The following PHACTR3 variants were observed in gnomAD, a reference collection of about 807,000 sequenced individuals.
The protein encoded by PHACTR3 is protein phosphatase 1, regulatory subunit 123.
PHACTR3 carries 16 observed loss-of-function variants against 66.8 expected under a neutral mutation model. The ratio of observed to expected loss-of-function variants is 0.24; its 90% CI spans 0.16 to 0.36. The LOEUF is 0.36. Ranked by LOEUF, PHACTR3 falls within the 10% of genes least tolerant of loss-of-function variation. The pLI is 1.00. For missense variants in PHACTR3, 647 were observed against 719.9 expected (o/e 0.90, Z 1.16); for synonymous variants, 323 against 292.1 (o/e 1.11, Z -1.08).
chr20:59,600,945 CTTT>C (rs11477966), upstream of PHACTR3, among the ~76,000 whole-genome samples: 12 of 137,632 alleles, frequency 8.7e-5, no homozygotes, highest in African/African-American at 2.6e-4. Flanking sequence ...CCTCTACATG[CTTT>C]TTTTTTTTTT....
chr20:59,630,933 G>C (rs904160072), intron 1 of PHACTR3, among the ~76,000 whole-genome samples: 3 of 152,232 alleles, frequency 2.0e-5, no homozygotes, highest in African/African-American at 4.8e-5. Flanking sequence ...GGGGTGGTTG[G>C]AGGGATTTGG....
At chr20:59,815,511 G>C (rs2041863329) in intron 8 of PHACTR3, among the ~76,000 whole-genome samples, 1 of 145,234 alleles carries the variant, frequency 6.9e-6, no homozygotes, top group Admixed American at 7.2e-5. Context: ...TGTAACCTCT[G>C]CCTTCTGGGT....
At chr20:59,844,038 G>T (rs2059110108) in intron 11 of PHACTR3, 1 of 152,044 alleles carries the variant, frequency 6.6e-6, no homozygotes, top group South Asian at 2.1e-4. Context: ...CTCAAAAGAT[G>T]ACATACAAAT....
chr20:59,816,386 C>T (rs2041888526), intron 8 of PHACTR3, among the ~76,000 whole-genome samples: 1 of 152,192 alleles, frequency 6.6e-6, no homozygotes, highest in South Asian at 2.1e-4. Context: ...AGTCTGCACG[C>T]TGGGGACTCT....
At chr20:59,674,464 T>TCCTGTTCCTTCCCCTTCTCCTGTCCCCC (rs1568696844) in intron 1 of PHACTR3, among the ~76,000 whole-genome samples, 76 of 73,074 alleles carry the variant, frequency 1.0e-3, no homozygotes, top group African/African-American at 2.5e-3. Flanking sequence ...TCCTGTCCTC[T>TCCTGTTCCTTCCCCTTCTCCTGTCCCCC]CTTCTCCTGT....
intron 1 of PHACTR3, among the ~76,000 whole-genome samples, chr20:59,711,163 A>G (rs1309823317): frequency 6.6e-6 from 1 of 152,184 alleles, no homozygotes. Flanking sequence ...TGTTTTTCAA[A>G]TACATAATTT....
intron 7 of PHACTR3, among the ~76,000 whole-genome samples, chr20:59,783,461 G>T (rs2040800652): frequency 1.4e-5 from 2 of 143,206 alleles, no homozygotes; most frequent in Non-Finnish European, 3.0e-5. Context: ...TTTTGTTTGA[G>T]CTATTATTTC....
chr20:59,800,498 A>C (rs2041379614), intron 7 of PHACTR3, among the ~76,000 whole-genome samples: 1 of 152,034 alleles, frequency 6.6e-6, no homozygotes, highest in African/African-American at 2.4e-5. Flanking sequence ...CTTGTCATCC[A>C]CATTGTTTCT....
chr20:59,590,236 C>T (rs549716499), intron 1 of PHACTR3, among the ~76,000 whole-genome samples: 25 of 152,318 alleles, frequency 1.6e-4, no homozygotes, highest in Non-Finnish European at 2.1e-4. Context: ...ACAAGGAAGC[C>T]GCTGAGTGCT....
chr20:59,746,746 G>T (rs4810187), intron 2 of PHACTR3, among the ~76,000 whole-genome samples: 13,544 of 152,286 alleles, frequency 0.089, 1,158 homozygotes, highest in East Asian at 0.34. Flanking sequence ...AACACTGATG[G>T]ACTCTCTGTG....
At position 59,773,284 on chromosome 20, in the gene PHACTR3, G is replaced by A; in HGVS notation, c.757G>A (p.Ala253Thr). ...TGCTTCCTCCCACACCCCAGGCCAA[G>A]CCACACTCTTCCAAGCCTCCAGCAT... ...SKTTKNVTGQ[A>T]TLFQASSMKS... Residue 253 changes from alanine (A) to threonine (T), a missense_variant, in exon 6 of 13, where the codon GCC (alanine) becomes ACC (threonine). Ala to Thr is a moderately conservative substitution (Grantham distance 58). Around this residue, in one of 2 missense-constraint regions of PHACTR3, gnomAD observed 577 missense variants for 571.1 expected, o/e 1.01. Coordinates refer to ENST00000371015, the MANE Select transcript of PHACTR3 (RefSeq NM_080672.5). The A allele has an allele frequency of 6.2e-7, 1 of 1,613,644 alleles. No individual in the cohort carries two copies. The highest frequency in any genetic ancestry group is 1.3e-5 in the African/African-American group (1 of 75,042).
intron 1 of PHACTR3, among the ~76,000 whole-genome samples, chr20:59,705,314 C>G (rs1487833875): frequency 6.6e-6 from 1 of 152,118 alleles, no homozygotes; most frequent in African/African-American, 2.4e-5. Flanking sequence ...ATGGTTTCTT[C>G]CCAGGGAGCA....
chr20:59,587,912 C>G (rs2033082214), intron 1 of PHACTR3, among the ~76,000 whole-genome samples: 1 of 152,234 alleles, frequency 6.6e-6, no homozygotes, highest in Admixed American at 6.5e-5. Context: ...ACCCTGTCCA[C>G]TCCTGCCTTC....
intron 1 of PHACTR3, among the ~76,000 whole-genome samples, chr20:59,670,783 G>A (rs2036170225): frequency 6.6e-6 from 1 of 152,146 alleles, no homozygotes; most frequent in South Asian, 2.1e-4. Context: ...TACTGCACTT[G>A]GCTATTTACA....
rs140766669 is a variant in PHACTR3 at position 59,611,668 on chromosome 20, A to G, written c.118+6536A>G. Among the ~76,000 whole-genome samples, 877 of 151,638 alleles carry G rather than the reference A, an allele frequency of 5.8e-3. 17 individuals are homozygous for G. The highest frequency in any genetic ancestry group is 0.02 in the African/African-American group (828 of 41,320). On this transcript the variant is annotated intron_variant, in intron 1 of 12. Coordinates refer to ENST00000371015, the MANE Select transcript of PHACTR3 (RefSeq NM_080672.5). ...TCCTCCCCTACACTTTCCCACTCTC[A>G]CCTTTTGTGGAGGCTGTGTCTCCCC... is the stretch of plus-strand genomic sequence containing the variant.
At chr20:59,661,108 C>A (rs1440723819) in intron 1 of PHACTR3, among the ~76,000 whole-genome samples, 3 of 152,210 alleles carry the variant, frequency 2.0e-5, no homozygotes, top group Non-Finnish European at 4.4e-5. Context: ...CCTCCTATTA[C>A]CTTCCAGGGA....
intron 1 of PHACTR3, among the ~76,000 whole-genome samples, chr20:59,678,087 C>T (rs2036514076): frequency 1.3e-5 from 2 of 152,292 alleles, no homozygotes; most frequent in East Asian, 1.9e-4. Flanking sequence ...TCTTCTGTTC[C>T]TGAGCCGAGC....
intron 7 of PHACTR3, among the ~76,000 whole-genome samples, chr20:59,777,936 C>T (rs1282239753): frequency 2.0e-5 from 3 of 152,132 alleles, no homozygotes; most frequent in Non-Finnish European, 4.4e-5. Flanking sequence ...GTGTGCATTG[C>T]ATAGCTTACA....
chr20:59,824,299 A>G lies in PHACTR3; in HGVS notation c.1329-12206A>G, dbSNP rs527934100. ...CAGATTCAAGGTTGGCAGAAAGCTC[A>G]TGAGCAGATGTAAGATTGCACTCAG... On this transcript the variant is annotated intron_variant, in intron 8 of 12. Transcript: ENST00000371015. 2.6e-5 allele frequency among the ~76,000 whole-genome samples: 4 copies of G among 152,326 alleles called. No homozygotes were observed. In the South Asian group the frequency reaches 8.3e-4, roughly 32 times the overall value.
Sources: gnomAD v4.1 joint callset for allele counts (sites outside exome capture counted in the v4.1 genomes callset) on GRCh38, gnomAD v4.1.1 for gene constraint, gnomAD v4.1.1 regional missense constraint, MANE v1.5 for transcripts, NCBI Gene and HGNC (gene_info 2026-07-23, HGNC 2026-07-21) for gene names.